The following EGFLAM variants were observed in gnomAD, a reference collection of about 807,000 sequenced individuals.
The protein encoded by EGFLAM is pikachurin.
A neutral mutation model predicts 113.1 loss-of-function variants in EGFLAM; 79 were observed. The observed-to-expected ratio is 0.70, with a 90% CI of 0.58 to 0.84. The LOEUF (loss-of-function observed/expected upper bound fraction) is 0.84. Among genes scored for constraint, EGFLAM ranks in the 40% least tolerant of loss-of-function variants. The probability of loss-of-function intolerance (pLI) is 0.00; values close to 1 mark genes in which losing one functional copy is unlikely to be tolerated. For missense variants in EGFLAM, 1,265 were observed against 1,291.6 expected, an observed-to-expected ratio of 0.98 and a Z score of 0.32; for synonymous variants, 504 against 487.6, an observed-to-expected ratio of 1.03 and a Z score of -0.44.
intron 1 of EGFLAM, among the ~76,000 whole-genome samples, chr5:38,317,987 AG>A (rs1738644461): frequency 6.6e-6 from 1 of 152,156 alleles, no homozygotes; most frequent in Non-Finnish European, 1.5e-5. Context: ...AAAGAAGGAA[AG>A]GTGTTCTCAC....
At chr5:38,272,877 T>C (rs1757798986) in intron 1 of EGFLAM, among the ~76,000 whole-genome samples, 1 of 152,162 alleles carries the variant, frequency 6.6e-6, no homozygotes, top group Non-Finnish European at 1.5e-5. Flanking sequence ...TAGTGATACA[T>C]GTACCAATGT....
At chr5:38,272,369 C>G (rs913133980) in intron 1 of EGFLAM, among the ~76,000 whole-genome samples, 5 of 152,132 alleles carry the variant, frequency 3.3e-5, no homozygotes, top group Non-Finnish European at 7.4e-5. Flanking sequence ...CCTCCTTCCC[C>G]CATTTGTCTT....
Position 38,340,226 on chromosome 5 carries a change from G to A in EGFLAM, c.291+1445G>A, listed in dbSNP as rs139119697. ...ACCAGCATTCTGGACTTTTAGGCCT[G>A]TTTCTTCCATTTACAGGTTGGGTAA... On this transcript the variant is annotated intron_variant, in intron 3 of 21. Coordinates refer to ENST00000322350, the MANE Select transcript of EGFLAM (RefSeq NM_152403.4). Among the ~76,000 whole-genome samples the A allele has an allele frequency of 5.1e-3, 776 of 152,242 alleles. 6 individuals are homozygous for A. The highest frequency in any genetic ancestry group is 0.016 in the African/African-American group (677 of 41,522).
At chr5:38,448,516 A>AAC in intron 18 of EGFLAM, 137 bp downstream of exon 18, 1 of 793,698 alleles carries the variant, frequency 1.3e-6, no homozygotes, top group South Asian at 1.7e-5. Flanking sequence ...TCAGGGGAAA[A>AAC]ACACACACAA....
Position 38,408,147 on chromosome 5 carries a change from GC to G in EGFLAM, c.1248+243del, listed in dbSNP as rs1741354453. On this transcript the variant is annotated intron_variant, in intron 9 of 21. Coordinates refer to ENST00000322350, the MANE Select transcript of EGFLAM (RefSeq NM_152403.4). ...ATATTACTGAACTATAGAGTAGCTG[GC>G]ATGAAGATTGCAAGTGAGAATGTTG... Among the ~76,000 whole-genome samples the G allele has an allele frequency of 3.9e-5, 6 of 152,272 alleles. 1 individual carries two copies. In the South Asian group the frequency reaches 1.2e-3, roughly 32 times the overall value.
intron 4 of EGFLAM, 49 bp from the exon 5 acceptor site, chr5:38,352,147 A>G (rs1197743101): frequency 2.5e-6 from 4 of 1,611,622 alleles, no homozygotes; most frequent in East Asian, 2.2e-5. Flanking sequence ...AACCTCTCCA[A>G]CGGCTGAGAC....
At chr5:38,385,764 C>T (rs910928736) in intron 6 of EGFLAM, among the ~76,000 whole-genome samples, 1 of 152,166 alleles carries the variant, frequency 6.6e-6, no homozygotes, top group African/African-American at 2.4e-5. Context: ...TTATAATTCA[C>T]TAATGGGCTT....
rs190303893 is a variant in EGFLAM at position 38,288,945 on chromosome 5, T to C, written c.97+30094T>C. On this transcript the variant is annotated intron_variant, in intron 1 of 21. Transcript: ENST00000322350. The stretch of plus-strand genomic sequence containing the variant: ...GCTACCCCACCCTCATGTCCTATAA[T>C]TGGGTCTGTGATCACCACATGCTTT... 5.9e-5 allele frequency among the ~76,000 whole-genome samples: 9 copies of C among 152,256 alleles called. No homozygotes were observed. The East Asian group carries it at 1.7e-3, about 29-fold the overall frequency.
intron 1 of EGFLAM, among the ~76,000 whole-genome samples, chr5:38,283,412 C>T (rs1265602614): frequency 1.3e-5 from 2 of 152,094 alleles, no homozygotes; most frequent in African/African-American, 2.4e-5. Context: ...GGGGAAGAAT[C>T]CACGTTTACA....
At chr5:38,349,316 G>A (rs1162663102) in intron 3 of EGFLAM, among the ~76,000 whole-genome samples, 1 of 152,156 alleles carries the variant, frequency 6.6e-6, no homozygotes, top group African/African-American at 2.4e-5. Flanking sequence ...TCAAAGGGAG[G>A]GCTTGGCCTT....
At chr5:38,314,864 G>A (rs1029576789) in intron 1 of EGFLAM, among the ~76,000 whole-genome samples, 1 of 152,222 alleles carries the variant, frequency 6.6e-6, no homozygotes, top group Non-Finnish European at 1.5e-5. Context: ...CCATGCTCCA[G>A]ATAGAGGCTA....
intron 5 of EGFLAM, among the ~76,000 whole-genome samples, chr5:38,361,496 C>T (rs756114487): frequency 1.3e-5 from 2 of 152,158 alleles, no homozygotes; most frequent in Non-Finnish European, 2.9e-5. Flanking sequence ...AGCATTTGGA[C>T]ACAGGCAGTC....
intron 8 of EGFLAM, 63 bp downstream of exon 8, chr5:38,407,209 G>A (rs1741319508): frequency 1.3e-6 from 2 of 1,555,832 alleles, no homozygotes; most frequent in African/African-American, 1.4e-5. Flanking sequence ...CCAGAGGGCA[G>A]TTTTGTGGTC....
chr5:38,382,352 TA>T (rs1422941863), intron 6 of EGFLAM, among the ~76,000 whole-genome samples: 1 of 152,236 alleles, frequency 6.6e-6, no homozygotes, highest in Admixed American at 6.5e-5. Flanking sequence ...TGTATTCCAT[TA>T]TAAAGGTGTG....
At chr5:38,282,961 C>T (rs1488292311) in intron 1 of EGFLAM, among the ~76,000 whole-genome samples, 2 of 152,174 alleles carry the variant, frequency 1.3e-5, no homozygotes, top group South Asian at 4.1e-4. Flanking sequence ...CCTCCCACCT[C>T]AGCCCCCAGC....
chr5:38,275,912 G>A (rs1345286086), intron 1 of EGFLAM, among the ~76,000 whole-genome samples: 1 of 152,082 alleles, frequency 6.6e-6, no homozygotes, highest in Non-Finnish European at 1.5e-5. Flanking sequence ...AATAACAGGA[G>A]GAACATTGGG....
At chr5:38,260,697 T>A (rs1243124756) in intron 1 of EGFLAM, among the ~76,000 whole-genome samples, 2 of 152,240 alleles carry the variant, frequency 1.3e-5, no homozygotes, top group Admixed American at 1.3e-4. Context: ...TATTACTTTA[T>A]AATTTTATCC....
At chr5:38,356,216 G>A (rs1159971366) in intron 5 of EGFLAM, among the ~76,000 whole-genome samples, 1 of 152,166 alleles carries the variant, frequency 6.6e-6, no homozygotes, top group Non-Finnish European at 1.5e-5. Context: ...TGGGAATATG[G>A]GAAGGCCCAG....
At chr5:38,322,552 C>T (rs1259091357) in intron 1 of EGFLAM, among the ~76,000 whole-genome samples, 1 of 152,166 alleles carries the variant, frequency 6.6e-6, no homozygotes, top group Non-Finnish European at 1.5e-5. Flanking sequence ...GCAGATACTT[C>T]CCCATGAAGT....
Sources: gnomAD v4.1 joint callset for allele counts (sites outside exome capture counted in the v4.1 genomes callset) on GRCh38, gnomAD v4.1.1 for gene constraint, MANE v1.5 for transcripts, NCBI Gene and HGNC (gene_info 2026-07-23, HGNC 2026-07-21) for gene names.